GRM8: variants seen among roughly 807,000 people sequenced by gnomAD.
The protein encoded by GRM8 is metabotropic glutamate receptor 8.
A neutral mutation model predicts 87.2 loss-of-function variants in GRM8; 47 were observed. The ratio of observed to expected loss-of-function variants is 0.54; its 90% CI spans 0.43 to 0.69. GRM8 has a LOEUF of 0.69. Among genes scored for constraint, GRM8 ranks in the 30% least tolerant of loss-of-function variants. GRM8 has a pLI of 0.00. For synonymous variants in GRM8, 396 were observed against 404.5 expected, an observed-to-expected ratio of 0.98 and a Z score of 0.25; for missense variants, 1,019 against 1,139.2, an observed-to-expected ratio of 0.89 and a Z score of 1.52.
chr7:126,528,729 G>A (rs1339476188), intron 9 of GRM8, among the ~76,000 whole-genome samples: 1 of 152,016 alleles, frequency 6.6e-6, no homozygotes. Context: ...TTCGAGAACA[G>A]GGCTGGGGGT....
chr7:126,514,176 C>T (rs552741323), intron 9 of GRM8, among the ~76,000 whole-genome samples: 2 of 152,076 alleles, frequency 1.3e-5, no homozygotes, highest in African/African-American at 2.4e-5. Context: ...CCAGCAAGTC[C>T]GCAGATGCTG....
intron 3 of GRM8, among the ~76,000 whole-genome samples, chr7:126,932,413 CA>C (rs991669725): frequency 6.6e-6 from 1 of 151,792 alleles, no homozygotes; most frequent in African/African-American, 2.4e-5. Context: ...TGGCACTACA[CA>C]AAAAAAATCA....
chr7:126,725,950 C>G (rs1812922489), intron 7 of GRM8, among the ~76,000 whole-genome samples: 1 of 152,100 alleles, frequency 6.6e-6, no homozygotes, highest in Non-Finnish European at 1.5e-5. Context: ...GAGGGATCTG[C>G]CCCCAGGATG....
chr7:127,223,536 C>T (rs1045903421), intron 2 of GRM8, among the ~76,000 whole-genome samples: 2 of 151,396 alleles, frequency 1.3e-5, no homozygotes, highest in African/African-American at 4.9e-5. Context: ...GGAACCTAGA[C>T]AGTAGTGAGG....
intron 6 of GRM8, among the ~76,000 whole-genome samples, chr7:126,794,041 A>G (rs561144494): frequency 1.3e-5 from 2 of 152,284 alleles, no homozygotes; most frequent in South Asian, 4.1e-4. Context: ...AAAATAACAC[A>G]TAATATTTAC....
At chr7:126,926,314 A>C (rs1478254841) in intron 3 of GRM8, among the ~76,000 whole-genome samples, 1 of 152,148 alleles carries the variant, frequency 6.6e-6, no homozygotes, top group Non-Finnish European at 1.5e-5. Flanking sequence ...AATATCTTTG[A>C]TGGAGACCTG....
chr7:126,967,551 GA>G (rs11381653), intron 3 of GRM8, among the ~76,000 whole-genome samples: 1 of 150,592 alleles, frequency 6.6e-6, no homozygotes. Context: ...CATCCCTTGA[GA>G]AAAAAAAAAG....
At chr7:126,473,141 G>A (rs1400106388) in intron 9 of GRM8, among the ~76,000 whole-genome samples, 1 of 152,156 alleles carries the variant, frequency 6.6e-6, no homozygotes, top group Non-Finnish European at 1.5e-5. Context: ...TGTGAGAAGA[G>A]GGCCACTGTC....
At chr7:127,048,980 A>T (rs966996313) in intron 3 of GRM8, among the ~76,000 whole-genome samples, 1 of 152,144 alleles carries the variant, frequency 6.6e-6, no homozygotes, top group African/African-American at 2.4e-5. Flanking sequence ...AAACCTATAG[A>T]CTTGGGAATT....
chr7:127,098,088 C>G (rs940811051), intron 3 of GRM8, among the ~76,000 whole-genome samples: 6 of 152,172 alleles, frequency 3.9e-5, no homozygotes, highest in African/African-American at 1.4e-4. Context: ...ATCACTGTAC[C>G]TGCAGTTCCA....
intron 3 of GRM8, among the ~76,000 whole-genome samples, chr7:127,025,614 T>C (rs1274687833): frequency 6.6e-6 from 1 of 152,072 alleles, no homozygotes; most frequent in Admixed American, 6.6e-5. Context: ...GGAACAAACA[T>C]TTCTTGGAGT....
intron 8 of GRM8, among the ~76,000 whole-genome samples, chr7:126,566,390 GA>G (rs1219122080): frequency 6.6e-6 from 1 of 152,088 alleles, no homozygotes; most frequent in East Asian, 1.9e-4. Context: ...ATCCAAAGAA[GA>G]TCTACAAATG....
intron 8 of GRM8, among the ~76,000 whole-genome samples, chr7:126,597,357 T>G (rs1297175054): frequency 6.6e-6 from 1 of 152,116 alleles, no homozygotes; most frequent in Admixed American, 6.6e-5. Context: ...TTTTCAGTTC[T>G]TAGTTGTAAT....
intron 3 of GRM8, among the ~76,000 whole-genome samples, chr7:126,905,021 C>CA (rs1449806148): frequency 5.3e-5 from 8 of 152,144 alleles, no homozygotes; most frequent in Non-Finnish European, 1.0e-4. Flanking sequence ...AGCCAAAGGA[C>CA]AAGTGACAGA....
chr7:126,585,333 TCTC>T (rs1208618798), intron 8 of GRM8, among the ~76,000 whole-genome samples: 8 of 152,118 alleles, frequency 5.3e-5, no homozygotes, highest in Non-Finnish European at 1.2e-4. Flanking sequence ...TAAAAACACA[TCTC>T]CTAATTTCCA....
At chr7:126,748,608 T>C (rs929119048) in intron 7 of GRM8, among the ~76,000 whole-genome samples, 1 of 150,150 alleles carries the variant, frequency 6.7e-6, no homozygotes, top group Admixed American at 6.6e-5. Context: ...TCGGGTTTTT[T>C]TTTTTTTTTT....
At chr7:126,839,377 T>C (rs569759396) in intron 6 of GRM8, among the ~76,000 whole-genome samples, 1 of 152,302 alleles carries the variant, frequency 6.6e-6, no homozygotes, top group Non-Finnish European at 1.5e-5. Flanking sequence ...AAGTGATTTA[T>C]ATGCACATGA....
chr7:127,214,465 A>G (rs1311361507), intron 2 of GRM8, among the ~76,000 whole-genome samples: 1 of 152,232 alleles, frequency 6.6e-6, no homozygotes, highest in Admixed American at 6.5e-5. Flanking sequence ...TCACACTGCT[A>G]TAAAGAACGA....
chr7:127,248,180 T>G (rs985581672), intron 1 of GRM8, among the ~76,000 whole-genome samples: 1 of 152,188 alleles, frequency 6.6e-6, no homozygotes, highest in African/African-American at 2.4e-5. Flanking sequence ...ATAATATGTA[T>G]CAGATAAGAA....
Sources: gnomAD v4.1 joint callset for allele counts (sites outside exome capture counted in the v4.1 genomes callset) on GRCh38, gnomAD v4.1.1 for gene constraint, MANE v1.5 for transcripts, NCBI Gene and HGNC (gene_info 2026-07-23, HGNC 2026-07-21) for gene names.